The following POU2F1 variants were observed in gnomAD, a reference collection of about 807,000 sequenced individuals.
POU2F1 encodes the protein POU domain, class 2, transcription factor 1.
In POU2F1, 16 loss-of-function variants were observed where a neutral mutation model predicts 84.9. The observed-to-expected ratio is 0.19, with a 90% confidence interval of 0.13 to 0.29. The LOEUF is 0.29. Ranked by LOEUF, POU2F1 falls within the 10% of genes least tolerant of loss-of-function variation. The pLI is 1.00. For missense variants in POU2F1, 738 were observed against 942.6 expected (o/e 0.78, Z 2.84); for synonymous variants, 368 against 368.3 (o/e 1.00, Z 0.01).
intron 1 of POU2F1, among the ~76,000 whole-genome samples, chr1:167,318,352 G>C (rs1475000357): frequency 6.6e-6 from 1 of 152,176 alleles, no homozygotes; most frequent in Non-Finnish European, 1.5e-5. Flanking sequence ...GTTTTGTTTA[G>C]AGGAGCTGAA....
intron 1 of POU2F1, among the ~76,000 whole-genome samples, chr1:167,244,746 C>T (rs1650184047): frequency 6.6e-6 from 1 of 152,156 alleles, no homozygotes. Context: ...TACAGGAGCC[C>T]TGACACCCAA....
At chr1:167,244,526 A>G (rs1650164263) in intron 1 of POU2F1, among the ~76,000 whole-genome samples, 2 of 152,246 alleles carry the variant, frequency 1.3e-5, no homozygotes, top group South Asian at 2.1e-4. Flanking sequence ...AGACAGAGTC[A>G]CAGCTTTTGT....
Position 167,424,024 on chromosome 1 carries a change from T to C in POU2F1, c.*8214T>C, listed in dbSNP as rs1247626783. The C allele has an allele frequency of 6.6e-6, 1 of 152,136 alleles. No homozygotes were observed. Among genetic ancestry groups the C allele is most frequent in the Non-Finnish European group, 1.5e-5 (1 of 68,028 alleles). 9.4% of individuals were successfully genotyped at this position (152,136 alleles called of 1,614,324 possible). On this transcript the variant is annotated 3_prime_UTR_variant, in exon 16 of 16. Coordinates refer to ENST00000367866, the MANE Select transcript of POU2F1 (RefSeq NM_002697.4). ...CTTAATGAGTCTCATGGTCTAAAAG[T>C]ATAGGAAGAAATGAAATGCACTTTC...
intron 1 of POU2F1, among the ~76,000 whole-genome samples, chr1:167,237,042 T>C (rs954409436): frequency 2.6e-5 from 4 of 152,000 alleles, no homozygotes; most frequent in Non-Finnish European, 5.9e-5. Context: ...AAGCTTGGAG[T>C]TCTCTGGGAC....
intron 1 of POU2F1, among the ~76,000 whole-genome samples, chr1:167,229,449 A>G (rs1648895006): frequency 6.6e-6 from 1 of 152,106 alleles, no homozygotes; most frequent in South Asian, 2.1e-4. Flanking sequence ...TGTTTGATAA[A>G]CATTAATACT....
At chr1:167,387,307 A>G (rs951513316) in intron 8 of POU2F1, 2 of 445,000 alleles carry the variant, frequency 4.5e-6, no homozygotes, top group Admixed American at 2.4e-5. Flanking sequence ...AGGCCCGGAG[A>G]TGAAGTAACA....
At chr1:167,414,933 AAG>A (rs1321692377) in intron 15 of POU2F1, among the ~76,000 whole-genome samples, 2 of 151,558 alleles carry the variant, frequency 1.3e-5, no homozygotes. Context: ...GGTTTTCTGG[AAG>A]ACAGTTTTTC....
At chr1:167,226,182 A>G (rs1409888727) in intron 1 of POU2F1, among the ~76,000 whole-genome samples, 1 of 152,210 alleles carries the variant, frequency 6.6e-6, no homozygotes, top group Non-Finnish European at 1.5e-5. Flanking sequence ...CTTGGGCGTT[A>G]GAGTTGAAAG....
chr1:167,290,221 T>A (rs148729520), intron 1 of POU2F1, among the ~76,000 whole-genome samples: 1 of 151,998 alleles, frequency 6.6e-6, no homozygotes, highest in Non-Finnish European at 1.5e-5. Flanking sequence ...CAAAACCCTG[T>A]CTCTACAAAA....
rs778640847 is a variant in POU2F1 at position 167,399,321 on chromosome 1, A to G, written c.1405A>G (p.Ser469Gly). Residue 469 changes from serine to glycine, a missense_variant, in exon 12 of 16, where the codon AGC becomes GGC. By Grantham distance (56) the Ser-to-Gly change is moderately conservative. This residue lies in a region of POU2F1 where 319 missense variants were observed against 386.0 expected (regional missense o/e 0.83). Transcript: ENST00000367866. ...CAACCCACCAAGCAGTGGTGGGACC[A>G]GCAGCTCACCTATTAAAGCAATTTT... is the stretch of plus-strand genomic sequence containing the variant. ...RINPPSSGGT[S>G]SSPIKAIFPS... 1 of 1,614,112 alleles carries G rather than the reference A, an allele frequency of 6.2e-7. No individual in the cohort carries two copies. Among genetic ancestry groups the G allele is most frequent in the Non-Finnish European group, 8.5e-7 (1 of 1,179,978 alleles).
At chr1:167,307,604 C>T (rs1273895513) in intron 1 of POU2F1, among the ~76,000 whole-genome samples, 1 of 152,016 alleles carries the variant, frequency 6.6e-6, no homozygotes, top group Non-Finnish European at 1.5e-5. Context: ...CATCCTGGAA[C>T]CTTTTGAGAG....
intron 2 of POU2F1, among the ~76,000 whole-genome samples, chr1:167,335,403 G>C (rs1376109684): frequency 6.6e-6 from 1 of 152,180 alleles, no homozygotes; most frequent in Non-Finnish European, 1.5e-5. Context: ...GGACCCATCA[G>C]GGAGCAAGAG....
intron 7 of POU2F1, among the ~76,000 whole-genome samples, chr1:167,381,603 CTTTTTT>C (rs147770215): frequency 2.3e-3 from 149 of 66,010 alleles, no homozygotes; most frequent in African/African-American, 8.8e-3. Context: ...GCTCTCTTCT[CTTTTTT>C]TTTTTTTTTT....
At chr1:167,226,159 G>A (rs1648617612) in intron 1 of POU2F1, among the ~76,000 whole-genome samples, 1 of 152,184 alleles carries the variant, frequency 6.6e-6, no homozygotes, top group Non-Finnish European at 1.5e-5. Flanking sequence ...CTGAGCAAAT[G>A]TACTTACTAT....
chr1:167,398,412 G>T (rs113088990), intron 11 of POU2F1, among the ~76,000 whole-genome samples: 5 of 152,230 alleles, frequency 3.3e-5, no homozygotes, highest in African/African-American at 1.2e-4. Context: ...GACTAGAAAA[G>T]GTGGGGGGAA....
intron 1 of POU2F1, chr1:167,329,136 T>C: frequency 7.3e-7 from 1 of 1,378,158 alleles, no homozygotes; most frequent in Non-Finnish European, 9.5e-7. Flanking sequence ...TAATCCACTT[T>C]CCACCCTACG....
intron 1 of POU2F1, among the ~76,000 whole-genome samples, chr1:167,283,955 C>T (rs1309340345): frequency 2.0e-5 from 3 of 152,100 alleles, no homozygotes; most frequent in African/African-American, 4.8e-5. Context: ...ATTTAACTAG[C>T]TTAATATTCT....
At chr1:167,314,489 G>A (rs1297109897) in intron 1 of POU2F1, among the ~76,000 whole-genome samples, 1 of 152,078 alleles carries the variant, frequency 6.6e-6, no homozygotes, top group East Asian at 1.9e-4. Context: ...CTTAAAAAAT[G>A]AAACAGTTCA....
At chr1:167,247,023 T>C (rs182016813) in intron 1 of POU2F1, among the ~76,000 whole-genome samples, 1 of 130,048 alleles carries the variant, frequency 7.7e-6, no homozygotes, top group African/African-American at 2.7e-5. Flanking sequence ...TACAAGTAAA[T>C]CAGGTTATAT....
Sources: gnomAD v4.1 joint callset for allele counts (sites outside exome capture counted in the v4.1 genomes callset) on GRCh38, gnomAD v4.1.1 for gene constraint, gnomAD v4.1.1 regional missense constraint, MANE v1.5 for transcripts, NCBI Gene and HGNC (gene_info 2026-07-23, HGNC 2026-07-21) for gene names.